The following NPIPA1 variants were observed in gnomAD, a reference collection of about 807,000 sequenced individuals.
NPIPA1 encodes the protein nuclear pore complex interacting protein family member A1, also known as nuclear pore complex-interacting protein family member A1.
For missense variants in NPIPA1, 22 were observed against 232.2 expected (o/e 0.09, Z 5.88); for synonymous variants, 7 against 88.0 (o/e 0.08, Z 5.15).
intron 2 of NPIPA1, among the ~76,000 whole-genome samples, chr16:14,943,959 G>A (rs1460744611): frequency 6.6e-6 from 1 of 152,082 alleles, no homozygotes; most frequent in East Asian, 2.0e-4. Context: ...GACCAGATGG[G>A]CCAACATAGT....
intron 4 of NPIPA1, among the ~76,000 whole-genome samples, chr16:14,947,399 C>G (rs1174128771): frequency 6.6e-6 from 1 of 151,232 alleles, no homozygotes; most frequent in Non-Finnish European, 1.5e-5. Flanking sequence ...TATTTCCTGT[C>G]CACCTCTATT....
chr16:14,947,478 G>A (rs1205925762), intron 4 of NPIPA1, among the ~76,000 whole-genome samples: 6 of 151,378 alleles, frequency 4.0e-5, no homozygotes, highest in Non-Finnish European at 8.8e-5. Flanking sequence ...TTCATTGGCA[G>A]ACCCTCAATC....
intron 2 of NPIPA1, among the ~76,000 whole-genome samples, chr16:14,944,866 A>G (rs1965843181): frequency 1.3e-5 from 2 of 150,066 alleles, no homozygotes; most frequent in South Asian, 4.2e-4. Flanking sequence ...GGCCTCCCAA[A>G]GTGCTGGGAT....
At chr16:14,943,859 T>C (rs1315573499) in intron 2 of NPIPA1, among the ~76,000 whole-genome samples, 45 of 151,934 alleles carry the variant, frequency 3.0e-4, no homozygotes, top group African/African-American at 9.7e-4. Flanking sequence ...TTGAAAGATA[T>C]TATTTCAGGC....
intron 4 of NPIPA1, among the ~76,000 whole-genome samples, chr16:14,946,688 ATTTTTTTTTT>A (rs57059259): frequency 1.1e-5 from 1 of 89,980 alleles, no homozygotes; most frequent in African/African-American, 4.5e-5. Context: ...CATTCGGCCA[ATTTTTTTTTT>A]TTTTTTTTTT....
At chr16:14,949,553 T>C (rs1182207258) in intron 5 of NPIPA1, 2 of 404,938 alleles carry the variant, frequency 4.9e-6, no homozygotes, top group African/African-American at 4.2e-5. Context: ...GAGGAATCAA[T>C]ATAGCAACAG....
At chr16:14,944,941 G>C (rs1186179981) in intron 2 of NPIPA1, among the ~76,000 whole-genome samples, 4 of 136,208 alleles carry the variant, frequency 2.9e-5, no homozygotes, top group East Asian at 2.4e-4. Context: ...GACAGAGTTT[G>C]AATTTTGTTG....
Position 14,951,688 on chromosome 16 carries a change from T to TA in NPIPA1, c.722dup (p.Asn241LysfsTer18). 6.6e-7 allele frequency: 1 copy of TA among 1,516,042 alleles called. No homozygotes were observed. Among genetic ancestry groups the TA allele is most frequent in the East Asian group, 2.5e-5 (1 of 40,334 alleles). The allele number at this position is 1,516,042 out of a possible 1,614,324, so 93.9% of individuals were successfully genotyped here. On this transcript the variant is annotated frameshift_variant, in exon 8 of 8. Transcript: ENST00000328085. LOFTEE classifies it high-confidence loss of function. The stretch of plus-strand genomic sequence containing the variant: ...TGGCCCTACCTCACAGCTGAAACTT[T>TA]AAAAAACAGGATGGGCCACCAGCCA...
At chr16:14,945,246 G>C (rs1250970254) in intron 2 of NPIPA1, among the ~76,000 whole-genome samples, 1 of 148,160 alleles carries the variant, frequency 6.7e-6, no homozygotes, top group Non-Finnish European at 1.5e-5. Flanking sequence ...GTGTGTGTGT[G>C]TGTGTGTGTG....
Position 14,951,837 on chromosome 16 carries a change from C to A in NPIPA1, c.865C>A (p.Pro289Thr). The A allele has an allele frequency of 6.3e-7, 1 of 1,587,552 alleles. No individual in the cohort carries two copies. The stretch of plus-strand genomic sequence containing the variant: ...CTCAGCGGATGATAATCTCAAGACA[C>A]CTGCGGAGTGTCTGCTCTATCCCCT... ...LPSADDNLKTPAECLLYPLPP... is the reference protein window; with the variant it reads ...LPSADDNLKTTAECLLYPLPP... The change falls in exon 8 of 8, where the codon CCT becomes ACT. Residue 289 changes from proline (P) to threonine (T), a missense_variant. Physicochemically the swap from Pro to Thr is conservative, Grantham distance 38. Transcript: ENST00000328085.
intron 2 of NPIPA1, among the ~76,000 whole-genome samples, chr16:14,944,700 G>A (rs1480840371): frequency 1.3e-5 from 2 of 150,734 alleles, no homozygotes; most frequent in African/African-American, 2.4e-5. Context: ...CTGCCTCTTG[G>A]GTTCAAGCAG....
chr16:14,947,214 T>G (rs540034519), intron 4 of NPIPA1, among the ~76,000 whole-genome samples: 1 of 152,376 alleles, frequency 6.6e-6, no homozygotes, highest in African/African-American at 2.4e-5. Context: ...ACTGATCTTT[T>G]TTTGTTAAAT....
At chr16:14,940,756 C>G (rs1965732001) in intron 1 of NPIPA1, among the ~76,000 whole-genome samples, 1 of 112,584 alleles carries the variant, frequency 8.9e-6, no homozygotes, top group Non-Finnish European at 1.8e-5. Flanking sequence ...CTTGTCTTAC[C>G]CATGAGTGAC....
At chr16:14,940,672 A>G (rs1352510961) in intron 1 of NPIPA1, among the ~76,000 whole-genome samples, 3 of 136,998 alleles carry the variant, frequency 2.2e-5, no homozygotes, top group African/African-American at 5.6e-5. Context: ...TGCCACTGCA[A>G]TCTAGCCTGG....
intron 2 of NPIPA1, among the ~76,000 whole-genome samples, chr16:14,942,829 T>A (rs369049488): frequency 6.6e-6 from 1 of 152,278 alleles, no homozygotes; most frequent in African/African-American, 2.4e-5. Flanking sequence ...TGAGCCTTTT[T>A]TCCTTTGGGT....
chr16:14,939,608 TCTAA>T (rs1965705057), intron 1 of NPIPA1, among the ~76,000 whole-genome samples: 1 of 46,982 alleles, frequency 2.1e-5, no homozygotes, highest in East Asian at 2.2e-3. Flanking sequence ...TGTACGGTTC[TCTAA>T]CTCCATCATT....
At chr16:14,946,517 C>A (rs1295183259) in intron 4 of NPIPA1, among the ~76,000 whole-genome samples, 1 of 150,342 alleles carries the variant, frequency 6.7e-6, no homozygotes, top group African/African-American at 2.4e-5. Flanking sequence ...CCACCACACC[C>A]AGGCTTTTTT....
chr16:14,947,242 A>G (rs1965911999), intron 4 of NPIPA1, among the ~76,000 whole-genome samples: 1 of 152,238 alleles, frequency 6.6e-6, no homozygotes, highest in African/African-American at 2.4e-5. Flanking sequence ...ACTTGTTAAA[A>G]AATATTTAAC....
intron 4 of NPIPA1, among the ~76,000 whole-genome samples, chr16:14,947,148 C>G (rs1205622623): frequency 6.6e-6 from 1 of 152,268 alleles, no homozygotes; most frequent in Non-Finnish European, 1.5e-5. Context: ...CCTCCAGATT[C>G]ATTTTCACAG....
Sources: allele counts gnomAD v4.1 joint callset (sites outside exome capture counted in the v4.1 genomes callset), GRCh38; gene constraint gnomAD v4.1.1; transcripts MANE v1.5; gene names NCBI Gene and HGNC (gene_info 2026-07-23, HGNC 2026-07-21).